The following ARMH4 variants were observed in gnomAD, a reference collection of about 807,000 sequenced individuals.
The protein encoded by ARMH4 is armadillo like helical domain containing 4.
Under a neutral mutation model 61.9 loss-of-function variants are expected in ARMH4, and 49 were observed. The observed-to-expected ratio is 0.79, with a 90% CI of 0.63 to 1.00. The LOEUF (loss-of-function observed/expected upper bound fraction) is 1.00. Among genes scored for constraint, ARMH4 ranks in the 50% least tolerant of loss-of-function variants. The pLI, the probability that ARMH4 is intolerant of heterozygous loss-of-function variation, is 0.00. For synonymous variants in ARMH4, 368 were observed against 341.5 expected (o/e 1.08, Z -0.85); for missense variants, 934 against 930.0 (o/e 1.00, Z -0.06).
At chr14:58,102,465 A>C (rs1046861050) in intron 4 of ARMH4, among the ~76,000 whole-genome samples, 4 of 152,216 alleles carry the variant, frequency 2.6e-5, no homozygotes, top group Admixed American at 2.6e-4. Context: ...TCTTGAGATG[A>C]AATAGTCTTG....
At chr14:58,150,134 T>G (rs568434550) in intron 1 of ARMH4, among the ~76,000 whole-genome samples, 1 of 152,344 alleles carries the variant, frequency 6.6e-6, no homozygotes, top group Non-Finnish European at 1.5e-5. Flanking sequence ...TCATTTCTGG[T>G]TTTTGTGGTA....
chr14:58,062,572 G>A (rs1441299172), intron 5 of ARMH4, among the ~76,000 whole-genome samples: 1 of 152,210 alleles, frequency 6.6e-6, no homozygotes, highest in African/African-American at 2.4e-5. Context: ...GACACATGCA[G>A]CAAATGATAT....
At chr14:58,092,211 T>C (rs1039295763) in intron 5 of ARMH4, among the ~76,000 whole-genome samples, 1 of 151,924 alleles carries the variant, frequency 6.6e-6, no homozygotes, top group African/African-American at 2.4e-5. Context: ...ATGGAGGTGA[T>C]AACCTATAAA....
chr14:58,064,067 A>G (rs955942222), intron 5 of ARMH4, among the ~76,000 whole-genome samples: 1 of 149,974 alleles, frequency 6.7e-6, no homozygotes, highest in East Asian at 1.9e-4. Flanking sequence ...TACAATATCA[A>G]CAATAGGTTG....
At chr14:58,090,572 C>T (rs1885522178) in intron 5 of ARMH4, among the ~76,000 whole-genome samples, 1 of 151,994 alleles carries the variant, frequency 6.6e-6, no homozygotes, top group African/African-American at 2.4e-5. Context: ...GAAAGGCTGC[C>T]TCTCTCTTAA....
At chr14:58,142,488 T>TTTTTC (rs1887600030) in intron 1 of ARMH4, among the ~76,000 whole-genome samples, 1 of 151,932 alleles carries the variant, frequency 6.6e-6, no homozygotes, top group Admixed American at 6.6e-5. Context: ...TTTCTTTTCT[T>TTTTTC]TTTTCTTTTC....
chr14:58,064,131 C>T (rs178498), intron 5 of ARMH4, among the ~76,000 whole-genome samples: 2 of 151,654 alleles, frequency 1.3e-5, no homozygotes, highest in Non-Finnish European at 2.9e-5. Flanking sequence ...TTCCAACACA[C>T]GATTATCATA....
At chr14:58,093,952 CTG>C (rs967452483) in intron 5 of ARMH4, among the ~76,000 whole-genome samples, 1 of 152,052 alleles carries the variant, frequency 6.6e-6, no homozygotes, top group Non-Finnish European at 1.5e-5. Flanking sequence ...AAGAAAAAGT[CTG>C]ATATATTTTT....
At chr14:58,080,653 G>A (rs558995227) in intron 5 of ARMH4, among the ~76,000 whole-genome samples, 30 of 152,124 alleles carry the variant, frequency 2.0e-4, no homozygotes, top group Non-Finnish European at 3.7e-4. Context: ...TCACCACCTG[G>A]GTGATGGGAT....
At chr14:58,040,396 T>C (rs1313434964) in intron 5 of ARMH4, among the ~76,000 whole-genome samples, 1 of 152,184 alleles carries the variant, frequency 6.6e-6, no homozygotes, top group Non-Finnish European at 1.5e-5. Flanking sequence ...CTCCCACTTA[T>C]AAGTGAGAAT....
rs74729245 is a variant in ARMH4, at chr14:58,111,645, C to G, written c.1832-14664G>C. Among the ~76,000 whole-genome samples the G allele has an allele frequency of 9.7e-3, 1,472 of 152,090 alleles. 10 individuals carry two copies. Among genetic ancestry groups the G allele is most frequent in the Non-Finnish European group, 0.015 (1,017 of 68,000 alleles). Reference sequence around the variant, plus strand: ...TGTGTCCTTACATGACATTTCCTCTCTTGCAGAGACTCTAGTGTCTCTTGT... The same window carrying G: ...TGTGTCCTTACATGACATTTCCTCTGTTGCAGAGACTCTAGTGTCTCTTGT... On this transcript the variant is annotated intron_variant, in intron 4 of 7. Transcript: ENST00000267485.
At chr14:58,061,646 A>T (rs952868710) in intron 5 of ARMH4, among the ~76,000 whole-genome samples, 24 of 152,248 alleles carry the variant, frequency 1.6e-4, no homozygotes, top group African/African-American at 5.8e-4. Flanking sequence ...AAAACGTCAA[A>T]TATGACTATA....
intron 1 of ARMH4, among the ~76,000 whole-genome samples, chr14:58,148,846 TACACAC>T (rs138826141): frequency 0.075 from 10,968 of 145,772 alleles, 524 homozygotes; most frequent in Middle Eastern, 0.15. Context: ...CAGAGTTTAT[TACACAC>T]ACACACACAC....
At chr14:58,006,695 G>C (rs1212645605) in intron 6 of ARMH4, among the ~76,000 whole-genome samples, 4 of 151,018 alleles carry the variant, frequency 2.6e-5, no homozygotes, top group Non-Finnish European at 4.4e-5. Flanking sequence ...TCACTCATAG[G>C]TGGGAACTGA....
At chr14:58,068,868 A>T (rs1330713051) in intron 5 of ARMH4, among the ~76,000 whole-genome samples, 1 of 151,956 alleles carries the variant, frequency 6.6e-6, no homozygotes, top group Non-Finnish European at 1.5e-5. Flanking sequence ...TTAGCTTGGC[A>T]TGGTGGTGCG....
chr14:58,099,416 G>A (rs1354322435), intron 4 of ARMH4, among the ~76,000 whole-genome samples: 2 of 152,172 alleles, frequency 1.3e-5, no homozygotes, highest in Admixed American at 6.5e-5. Context: ...TGTCAGGGAA[G>A]GCAAATGAAG....
intron 5 of ARMH4, among the ~76,000 whole-genome samples, chr14:58,032,602 G>A (rs866655210): frequency 2.0e-5 from 3 of 152,158 alleles, no homozygotes; most frequent in South Asian, 2.1e-4. Flanking sequence ...CGTGAGCGAC[G>A]CAGAAGACGG....
At chr14:58,048,896 CA>C (rs1479454747) in intron 5 of ARMH4, among the ~76,000 whole-genome samples, 1 of 152,012 alleles carries the variant, frequency 6.6e-6, no homozygotes, top group Non-Finnish European at 1.5e-5. Flanking sequence ...AACTTCTGAT[CA>C]AAATACATTA....
At chr14:58,086,719 G>A (rs1885396487) in intron 5 of ARMH4, among the ~76,000 whole-genome samples, 1 of 152,068 alleles carries the variant, frequency 6.6e-6, no homozygotes, top group East Asian at 1.9e-4. Context: ...TAGATGTTCT[G>A]AGGTTCCCCA....
Sources: allele counts gnomAD v4.1 joint callset (sites outside exome capture counted in the v4.1 genomes callset), GRCh38; gene constraint gnomAD v4.1.1; transcripts MANE v1.5; gene names NCBI Gene and HGNC (gene_info 2026-07-23, HGNC 2026-07-21).